The following ELL variants were observed in gnomAD, a reference collection of about 807,000 sequenced individuals.
ELL encodes RNA polymerase II elongation factor ELL.
Under a neutral mutation model 64.0 loss-of-function variants are expected in ELL, and 18 were observed. The ratio of observed to expected loss-of-function variants is 0.28; its 90% CI spans 0.19 to 0.42. ELL has a LOEUF of 0.42. ELL is among the 10% of genes least tolerant of loss of function. ELL has a pLI of 1.00. For missense variants in ELL, 797 were observed against 870.4 expected (o/e 0.92, Z 1.06); for synonymous variants, 399 against 376.2 (o/e 1.06, Z -0.70).
At chr19:18,477,773 GGA>G (rs1975210097) in intron 1 of ELL, among the ~76,000 whole-genome samples, 1 of 152,194 alleles carries the variant, frequency 6.6e-6, no homozygotes, top group Non-Finnish European at 1.5e-5. Context: ...TCAGAAGGAG[GGA>G]GAGTGACCCT....
chr19:18,518,359 G>A (rs1432626105), intron 1 of ELL, among the ~76,000 whole-genome samples: 1 of 151,772 alleles, frequency 6.6e-6, no homozygotes, highest in Non-Finnish European at 1.5e-5. Flanking sequence ...AACTTAGCCA[G>A]GTGCAGTGGT....
Position 18,458,238 on chromosome 19 carries a change from C to T in ELL, c.836G>A (p.Gly279Glu). ...VQKDWPGYSE[G>E]DQQLLKRVLV... ...CACCCGCTTCAGCAGCTGCTGGTCC[C>T]CCTCCGAGTAGCCAGGCCAGTCCTT... The change falls in exon 6 of 12, where the codon GGG becomes GAG. Residue 279 changes from glycine to glutamate, a missense_variant. Transcript: ENST00000262809. The T allele has an allele frequency of 1.2e-6, 2 of 1,612,148 alleles. No individual in the cohort carries two copies. The highest frequency in any genetic ancestry group is 1.7e-6 in the Non-Finnish European group (2 of 1,180,026).
chr19:18,505,030 G>A (rs1975853394), intron 1 of ELL, among the ~76,000 whole-genome samples: 2 of 152,218 alleles, frequency 1.3e-5, no homozygotes, highest in Admixed American at 1.3e-4. Context: ...CAGGGCTGTG[G>A]GAGCAGCAGG....
In ELL at chr19:18,461,589, G is replaced by C. The variant is rs1479451849; in HGVS notation, c.733C>G (p.Leu245Val). 13 of 1,600,080 alleles carry C rather than the reference G, an allele frequency of 8.1e-6. No homozygotes were observed. Among genetic ancestry groups the C allele is most frequent in the Non-Finnish European group, 1.1e-5 (13 of 1,177,088 alleles). Reference protein sequence around the residue: ...TQADKDALDGLLQQVANMSAK... With the variant: ...TQADKDALDGVLQQVANMSAK... ...GGGGCGGCACCCACCTGCTGGAGGA[G>C]GCCATCCAGCGCGTCCTTGTCCGCC... The change falls in exon 5 of 12, where the codon CTC (leucine) becomes GTC (valine). Residue 245 changes from leucine (L) to valine (V), a missense_variant. By Grantham distance (32) the Leu-to-Val change is conservative. Coordinates refer to ENST00000262809, the MANE Select transcript of ELL (RefSeq NM_006532.4).
intron 1 of ELL, among the ~76,000 whole-genome samples, chr19:18,477,368 G>A (rs1267580874): frequency 6.6e-6 from 1 of 152,216 alleles, no homozygotes; most frequent in Non-Finnish European, 1.5e-5. Context: ...ACGACAGCAG[G>A]GGATCCCACG....
intron 10 of ELL, among the ~76,000 whole-genome samples, chr19:18,445,929 A>G (rs996778451): frequency 6.6e-6 from 1 of 152,068 alleles, no homozygotes; most frequent in African/African-American, 2.4e-5. Flanking sequence ...GGTGCTGGAC[A>G]GAGCTCAGCT....
At chr19:18,465,698 G>A in intron 3 of ELL, 99 bp downstream of exon 3, 3 of 1,464,820 alleles carry the variant, frequency 2.0e-6, no homozygotes, top group Non-Finnish European at 2.7e-6. Flanking sequence ...ACCATCTCAG[G>A]CAATATGGTT....
chr19:18,465,625 A>T (rs1485423347), intron 3 of ELL, 50 bp from the exon 4 acceptor site: 1 of 1,522,502 alleles, frequency 6.6e-7, no homozygotes, highest in East Asian at 2.4e-5. Flanking sequence ...CAATGCAGGG[A>T]GGATCCGTTG....
chr19:18,493,473 A>G (rs2144956573), intron 1 of ELL, among the ~76,000 whole-genome samples: 1 of 152,388 alleles, frequency 6.6e-6, no homozygotes, highest in East Asian at 1.9e-4. Flanking sequence ...TGGTGCTCCA[A>G]CTTGGGTGGA....
Position 18,449,398 on chromosome 19 carries a change from G to A in ELL, c.1465+1079C>T, listed in dbSNP as rs1321663964. ...CAGGGAGTAAGGCCACCTTCTCCCC[G>A]TCGGCCCCCACATGCAGTCCCACGG... On this transcript the variant is annotated intron_variant, in intron 8 of 11. Transcript: ENST00000262809. The surrounding 1 kb of genome is among the most constrained non-coding windows in gnomAD (Gnocchi z 4.4). Among the ~76,000 whole-genome samples the A allele has an allele frequency of 2.6e-5, 4 of 152,058 alleles. 1 individual carries two copies. Among genetic ancestry groups the A allele is most frequent in the South Asian group, 4.1e-4 (2 of 4,828 alleles).
chr19:18,445,497 T>TCCGG (rs1271445864), intron 10 of ELL: 15 of 241,824 alleles, frequency 6.2e-5, no homozygotes, highest in Non-Finnish European at 1.0e-4. Context: ...GGGGCACTGC[T>TCCGG]GTTGTGGGGG....
At position 18,446,492 on chromosome 19, in the gene ELL, G is replaced by T; in HGVS notation, c.1533-12C>A. ...TGGCTGCGTACTTCCTGAAACAGGA[G>T]AGAGGGGCCACTGAGTGGAGGCTGG... On this transcript the variant is annotated splice_polypyrimidine_tract_variant and intron_variant, in intron 9 of 11. Transcript: ENST00000262809. 6.2e-7 allele frequency: 1 copy of T among 1,609,460 alleles called. No individual in the cohort carries two copies.
At position 18,472,724 on chromosome 19, in the gene ELL, A is replaced by C. The variant is rs979646179; in HGVS notation, c.183+111T>G. ...AGAACCCAGCCTTGCATGGTGGCAGACAGGGCCCAAACACTGCCATGAGCT... is the reference window on the plus strand; with the variant it reads ...AGAACCCAGCCTTGCATGGTGGCAGCCAGGGCCCAAACACTGCCATGAGCT... On this transcript the variant is annotated intron_variant, in intron 2 of 11. Coordinates refer to ENST00000262809, the MANE Select transcript of ELL (RefSeq NM_006532.4). 3.0e-6 allele frequency: 4 copies of C among 1,331,218 alleles called. No individual in the cohort carries two copies. In the African/African-American group the frequency reaches 5.9e-5, roughly 20 times the overall value. 82.5% of individuals were successfully genotyped at this position (1,331,218 alleles called of 1,614,324 possible).
rs758119031 is a variant in ELL, at chr19:18,462,179, AGTGT to A, written c.470-331_470-328del. 5.7e-3 allele frequency among the ~76,000 whole-genome samples: 683 copies of A among 120,056 alleles called. 1 individual carries two copies. The highest frequency in any genetic ancestry group is 0.022 in the South Asian group (74 of 3,376). 78.8% of individuals were successfully genotyped at this position (120,056 alleles called of 152,430 possible). On this transcript the variant is annotated intron_variant, in intron 4 of 11. Coordinates refer to ENST00000262809, the MANE Select transcript of ELL (RefSeq NM_006532.4). The stretch of plus-strand genomic sequence containing the variant: ...CCTGATCACTCTCACTCTGGTGGGC[AGTGT>A]GTGTGTGTGTGTGTGTGTGTGTGTG...
chr19:18,488,117 C>T lies in ELL; in HGVS notation c.136-15235G>A, dbSNP rs565268704. 6.6e-5 allele frequency among the ~76,000 whole-genome samples: 10 copies of T among 152,294 alleles called. No homozygotes were observed. In the South Asian group the frequency reaches 1.9e-3, roughly 28 times the overall value. The stretch of plus-strand genomic sequence containing the variant: ...CCTGAGAAACATGCCTGAAGGCACC[C>T]GGCAGGTGAGCAGGGAGAGAGGTAG... On this transcript the variant is annotated intron_variant, in intron 1 of 11. Transcript: ENST00000262809.
intron 1 of ELL, among the ~76,000 whole-genome samples, chr19:18,520,429 G>A (rs1416840964): frequency 6.6e-6 from 1 of 152,100 alleles, no homozygotes; most frequent in Non-Finnish European, 1.5e-5. Flanking sequence ...CTGCAGGGGC[G>A]CCTTAGCCTC....
At chr19:18,463,325 CTTTTTTTTTTTTTTTT>C (rs34610795) in intron 4 of ELL, among the ~76,000 whole-genome samples, 1 of 73,250 alleles carries the variant, frequency 1.4e-5, no homozygotes, top group Non-Finnish European at 2.3e-5. Flanking sequence ...ACATTCACAT[CTTTTTTTTTTTTTTTT>C]TTTTTTTTTT....
rs773982523 is a variant in ELL at position 18,472,886 on chromosome 19, T to TTA, written c.136-5_136-4insTA. ...ATGGCCTCAGTGAAACAGAATCCTATAAAAAAAAAAAAAAAAAAAAAAAGG... is the reference window on the plus strand; with the variant it reads ...ATGGCCTCAGTGAAACAGAATCCTATTAAAAAAAAAAAAAAAAAAAAAAAAGG... On this transcript the variant is annotated splice_region_variant and splice_polypyrimidine_tract_variant and intron_variant, in intron 1 of 11. Coordinates refer to ENST00000262809, the MANE Select transcript of ELL (RefSeq NM_006532.4). 4.9e-6 allele frequency: 6 copies of TTA among 1,218,410 alleles called. No individual in the cohort carries two copies. In the African/African-American group the frequency reaches 1.3e-4, roughly 26 times the overall value. 75.5% of individuals were successfully genotyped at this position (1,218,410 alleles called of 1,614,324 possible). A position where few individuals can be genotyped will look rare whatever the true frequency, so the allele number is the denominator to read the frequency against.
At chr19:18,479,530 G>T (rs1457536603) in intron 1 of ELL, among the ~76,000 whole-genome samples, 1 of 151,880 alleles carries the variant, frequency 6.6e-6, no homozygotes, top group African/African-American at 2.4e-5. Context: ...CCAACATGGT[G>T]AAACTCCATC....
Sources: gnomAD v4.1 joint callset for allele counts (sites outside exome capture counted in the v4.1 genomes callset) on GRCh38, gnomAD v4.1.1 for gene constraint, Gnocchi (gnomAD v3.1) non-coding constraint, MANE v1.5 for transcripts, NCBI Gene and HGNC (gene_info 2026-07-23, HGNC 2026-07-21) for gene names.